Variants in KIAA1755 observed in about 807,000 individuals in gnomAD.
KIAA1755 encodes KIAA1755, also known as uncharacterized protein KIAA1755.
In KIAA1755, 68 loss-of-function variants were observed where a neutral mutation model predicts 91.7. The ratio of observed to expected loss-of-function variants is 0.74; its 90% CI spans 0.61 to 0.91. The LOEUF (loss-of-function observed/expected upper bound fraction) is 0.91. Ranked by LOEUF, KIAA1755 falls within the 40% of genes least tolerant of loss-of-function variation. The probability of loss-of-function intolerance (pLI) is 0.00; values close to 1 mark genes in which losing one functional copy is unlikely to be tolerated. For missense variants in KIAA1755, 1,535 were observed against 1,494.4 expected (o/e 1.03, Z -0.45); for synonymous variants, 610 against 604.6 (o/e 1.01, Z -0.13).
chr20:38,219,874 G>GTT, intron 10 of KIAA1755, 106 bp from the exon 11 acceptor site: 1 of 1,436,212 alleles, frequency 7.0e-7, no homozygotes. Flanking sequence ...CCCAGCCTGG[G>GTT]TTTCCAGCTA....
chr20:38,242,023 C>T lies in KIAA1755; in HGVS notation c.202-94G>A, dbSNP rs535348948. ...TCCCTCTCCCACGTGGAATCTGGAA[C>T]AGGTCAGGGACTAGGATGAGGCAGC... On this transcript the variant is annotated intron_variant, in intron 2 of 13. Transcript: ENST00000279024. The T allele has an allele frequency of 1.9e-5, 25 of 1,309,780 alleles. No homozygotes were observed. In the African/African-American group the frequency reaches 2.6e-4, roughly 14 times the overall value. 81.1% of individuals were successfully genotyped at this position (1,309,780 alleles called of 1,614,324 possible).
intron 1 of KIAA1755, among the ~76,000 whole-genome samples, chr20:38,248,330 G>C (rs1264759244): frequency 3.3e-5 from 5 of 152,204 alleles, no homozygotes. Flanking sequence ...AGGAATGCGG[G>C]CGTCTCCTAG....
intron 10 of KIAA1755, 90 bp from the exon 11 acceptor site, chr20:38,219,858 T>TG: frequency 6.6e-7 from 1 of 1,510,616 alleles, no homozygotes; most frequent in Admixed American, 1.9e-5. Context: ...CCTCCATCTC[T>TG]GTGGCCCCAG....
chr20:38,219,822 G>A, intron 10 of KIAA1755, 54 bp from the exon 11 acceptor site: 2 of 1,605,648 alleles, frequency 1.2e-6, no homozygotes, highest in Non-Finnish European at 1.7e-6. Context: ...TCACCCTGCT[G>A]TACTTCTGTC....
At position 38,213,186 on chromosome 20, in the gene KIAA1755, C is replaced by T; in HGVS notation, c.3459G>A (p.Leu1153=). 6.2e-7 allele frequency: 1 copy of T among 1,613,692 alleles called. No individual in the cohort carries two copies. The highest frequency in any genetic ancestry group is 8.5e-7 in the Non-Finnish European group (1 of 1,179,986). ...HKLPDPAREH[L]LATTFFRQQP... is the part of the protein sequence containing the mutation. The stretch of plus-strand genomic sequence containing the variant: ...GCTGCCGGAAGAAGGTGGTGGCAAG[C>T]AAATGCTCGCGGGCAGGGTCAGGCA... The change falls in exon 14 of 14, where the codon TTG becomes TTA. Residue 1153 remains leucine, a synonymous_variant. Transcript: ENST00000279024.
rs1236757725 is a variant in KIAA1755, at chr20:38,235,368, A to ACACTGTTACCTTAC, written c.1748-4044_1748-4043insGTAAGGTAACAGTG. ...CCATGCCCTAATCCCCAGAACCTTG[A>ACACTGTTACCTTAC]ATATGTTACCTTACATGGCAAAAGG... On this transcript the variant is annotated intron_variant, in intron 4 of 13. Coordinates refer to ENST00000279024, the MANE Select transcript of KIAA1755 (RefSeq NM_001029864.2). 7.6e-4 allele frequency among the ~76,000 whole-genome samples: 116 copies of ACACTGTTACCTTAC among 152,260 alleles called. 1 individual carries two copies. Among genetic ancestry groups the ACACTGTTACCTTAC allele is most frequent in the Admixed American group, 7.2e-4 (11 of 15,298 alleles).
intron 1 of KIAA1755, among the ~76,000 whole-genome samples, chr20:38,249,563 G>A (rs1040863056): frequency 3.3e-5 from 5 of 152,174 alleles, no homozygotes; most frequent in Non-Finnish European, 5.9e-5. Context: ...GCAGGGGACC[G>A]CCATCACTAT....
chr20:38,241,417 GC>G lies in KIAA1755; in HGVS notation c.713del (p.Gly238AlafsTer42), dbSNP rs1568764398. 1 of 1,614,192 alleles carries G rather than the reference GC, an allele frequency of 6.2e-7. No individual in the cohort carries two copies. Among genetic ancestry groups the G allele is most frequent in the South Asian group, 1.1e-5 (1 of 91,088 alleles). The stretch of plus-strand genomic sequence containing the variant: ...CTGGATACTTGCTCCCATATGTCCT[GC>G]CCTTACCCTTGGCCAAACTCTGGGC... Reference protein sequence around the residue: ...LPAQSLAKGKGRTYGSKYPGL... With the variant: ...LPAQSLAKGKXRTYGSKYPGL... On this transcript the variant is annotated frameshift_variant, in exon 3 of 14. Transcript: ENST00000279024. LOFTEE classifies it high-confidence loss of function.
At position 38,211,644 on chromosome 20, in the gene KIAA1755, G is replaced by C. The variant is rs982283048; in HGVS notation, c.*1398C>G. The C allele has an allele frequency of 6.6e-6, 1 of 152,428 alleles. No individual in the cohort carries two copies. The highest frequency in any genetic ancestry group is 2.4e-5 in the African/African-American group (1 of 41,470). 9.4% of individuals were successfully genotyped at this position (152,428 alleles called of 1,614,324 possible). ...AGGGGACAGAAGACATTGAGTTCAG[G>C]GAGGCTTGGTGGGGAGGTGAGAGAG... On this transcript the variant is annotated 3_prime_UTR_variant, in exon 14 of 14. Coordinates refer to ENST00000279024, the MANE Select transcript of KIAA1755 (RefSeq NM_001029864.2).
At chr20:38,235,952 C>T (rs563464075) in intron 4 of KIAA1755, among the ~76,000 whole-genome samples, 1 of 152,306 alleles carries the variant, frequency 6.6e-6, no homozygotes, top group Admixed American at 6.5e-5. Context: ...TCTTGAAGCA[C>T]AGGCTCTGGG....
chr20:38,249,684 T>C (rs1012848129), intron 1 of KIAA1755, among the ~76,000 whole-genome samples: 1 of 151,930 alleles, frequency 6.6e-6, no homozygotes, highest in Non-Finnish European at 1.5e-5. Flanking sequence ...CCGACAGGCA[T>C]CTGGTGCTGA....
In KIAA1755 at chr20:38,239,622, T is replaced by C. The variant is rs774659611; in HGVS notation, c.1653A>G (p.Arg551=). 6.2e-7 allele frequency: 1 copy of C among 1,605,384 alleles called. No individual in the cohort carries two copies. Among genetic ancestry groups the C allele is most frequent in the Non-Finnish European group, 8.5e-7 (1 of 1,176,954 alleles). ...LPEASAGSPE[R]GPTLEEEPPG... is the part of the protein sequence containing the mutation. Reference sequence around the variant, plus strand: ...GGGGCTCCTCCTCCAGGGTGGGGCCTCTTTCTGGGGAGCCTGCAGAAGCTT... The same window carrying C: ...GGGGCTCCTCCTCCAGGGTGGGGCCCCTTTCTGGGGAGCCTGCAGAAGCTT... Residue 551 remains arginine, a synonymous_variant, in exon 4 of 14, where the codon AGA becomes AGG. Transcript: ENST00000279024.
In KIAA1755 at chr20:38,211,911, A is replaced by C. The variant is rs2075456022; in HGVS notation, c.*1131T>G. ...TGCTGTCTACGAGTGCCAGCTCCTG[A>C]GGGTTGGCAGATAAATGCTCTGGAT... On this transcript the variant is annotated 3_prime_UTR_variant, in exon 14 of 14. Transcript: ENST00000279024. 1 of 152,154 alleles carries C rather than the reference A, an allele frequency of 6.6e-6. No homozygotes were observed. Among genetic ancestry groups the C allele is most frequent in the African/African-American group, 2.4e-5 (1 of 41,418 alleles). 9.4% of individuals were successfully genotyped at this position (152,154 alleles called of 1,614,324 possible).
chr20:38,214,343 G>A (rs1157218863), intron 13 of KIAA1755, among the ~76,000 whole-genome samples: 1 of 152,214 alleles, frequency 6.6e-6, no homozygotes, highest in Non-Finnish European at 1.5e-5. Context: ...AGTTGCACTA[G>A]ATGATCATGA....
In KIAA1755 at chr20:38,240,712, G is replaced by A. The variant is rs1568761997; in HGVS notation, c.1419C>T (p.Phe473=). Residue 473 remains phenylalanine, a synonymous_variant, in exon 3 of 14, where the codon TTC becomes TTT. Transcript: ENST00000279024. ...SPEPPTPGLK[F]SFLRGQRQPS... ...GTTGCCTCTGCCCTCTCAAGAATGAGAATTTGAGCCCAGGAGTGGGGGGCT... is the reference window on the plus strand; with the variant it reads ...GTTGCCTCTGCCCTCTCAAGAATGAAAATTTGAGCCCAGGAGTGGGGGGCT... The A allele has an allele frequency of 6.4e-7, 1 of 1,568,496 alleles. No homozygotes were observed. The highest frequency in any genetic ancestry group is 8.6e-7 in the Non-Finnish European group (1 of 1,158,102).
chr20:38,234,399 T>A (rs2075921074), intron 4 of KIAA1755, among the ~76,000 whole-genome samples: 1 of 152,212 alleles, frequency 6.6e-6, no homozygotes. Flanking sequence ...TGTAGGCCTC[T>A]GTGAGATCCT....
chr20:38,235,569 G>A (rs1477841810), intron 4 of KIAA1755, among the ~76,000 whole-genome samples: 1 of 152,124 alleles, frequency 6.6e-6, no homozygotes, highest in Non-Finnish European at 1.5e-5. Flanking sequence ...TGAGGATGGA[G>A]GAAGGGGCCA....
At position 38,213,104 on chromosome 20, in the gene KIAA1755, C is replaced by T. The variant is rs1450906122; in HGVS notation, c.3541G>A (p.Gly1181Arg). 1.4e-5 allele frequency: 22 copies of T among 1,600,144 alleles called. No homozygotes were observed. Among genetic ancestry groups the T allele is most frequent in the African/African-American group, 2.7e-5 (2 of 74,772 alleles). ...TCAAGGGATGTCTGTGAGTCTGTCC[C>T]CTCTGAGGAGAAGCTGCCCCCAGTG... is the stretch of plus-strand genomic sequence containing the variant. ...RLTGGSFSSE[G>R]TDSQTSLEDS... is the part of the protein sequence containing the mutation. Residue 1181 changes from glycine (G) to arginine (R), a missense_variant, in exon 14 of 14, where the codon GGG becomes AGG. By Grantham distance (125) the Gly-to-Arg change is moderately radical. Coordinates refer to ENST00000279024, the MANE Select transcript of KIAA1755 (RefSeq NM_001029864.2).
Position 38,227,106 on chromosome 20 carries a change from G to A in KIAA1755, c.2052+48C>T, listed in dbSNP as rs147816141. On this transcript the variant is annotated intron_variant, in intron 7 of 13. Coordinates refer to ENST00000279024, the MANE Select transcript of KIAA1755 (RefSeq NM_001029864.2). ...CCTCTCCTTAACCCCAGCTCAGCTC[G>A]AGCCCAACAACTCCCTTCCTCAACC... 515 of 1,437,470 alleles carry A rather than the reference G, an allele frequency of 3.6e-4. 2 individuals are homozygous for A. In the African/African-American group the frequency reaches 6.4e-3, roughly 18 times the overall value. The allele number at this position is 1,437,470 out of a possible 1,614,324, so 89.0% of individuals were successfully genotyped here.
Sources: allele counts gnomAD v4.1 joint callset (sites outside exome capture counted in the v4.1 genomes callset), GRCh38; gene constraint gnomAD v4.1.1; transcripts MANE v1.5; gene names NCBI Gene and HGNC (gene_info 2026-07-23, HGNC 2026-07-21).